The following PIEZO2 variants were observed in gnomAD, a reference collection of about 807,000 sequenced individuals.
PIEZO2 encodes the protein piezo type mechanosensitive ion channel component 2.
Under a neutral mutation model 337.3 loss-of-function variants are expected in PIEZO2, and 172 were observed. The observed-to-expected ratio is 0.51, with a 90% confidence interval of 0.45 to 0.58. The LOEUF is 0.58. Among genes scored for constraint, PIEZO2 ranks in the 20% least tolerant of loss-of-function variants. The pLI is 0.00. For missense variants in PIEZO2, 3,028 were observed against 3,391.3 expected, an observed-to-expected ratio of 0.89 and a Z score of 2.66; for synonymous variants, 1,251 against 1,228.5, an observed-to-expected ratio of 1.02 and a Z score of -0.38.
At chr18:10,996,044 C>T (rs963416179) in intron 2 of PIEZO2, among the ~76,000 whole-genome samples, 8 of 151,748 alleles carry the variant, frequency 5.3e-5, no homozygotes, top group African/African-American at 1.9e-4. Flanking sequence ...CATTTTGAAA[C>T]AATAGAGTTT....
At chr18:11,073,934 C>T (rs1312525071) in intron 1 of PIEZO2, among the ~76,000 whole-genome samples, 4 of 151,750 alleles carry the variant, frequency 2.6e-5, no homozygotes, top group African/African-American at 9.7e-5. Flanking sequence ...GCAACCTCCA[C>T]CTCTTGGGTT....
intron 1 of PIEZO2, among the ~76,000 whole-genome samples, chr18:11,115,983 G>T (rs1416305190): frequency 2.0e-5 from 3 of 152,116 alleles, no homozygotes; most frequent in Non-Finnish European, 4.4e-5. Context: ...AATATCAATA[G>T]ATAGTTTTAA....
Position 10,853,213 on chromosome 18 carries a change from T to A in PIEZO2, c.917+2140A>T, listed in dbSNP as rs552022070. 4.6e-5 allele frequency among the ~76,000 whole-genome samples: 7 copies of A among 152,162 alleles called. No homozygotes were observed. Among genetic ancestry groups the A allele is most frequent in the Non-Finnish European group, 1.0e-4 (7 of 68,024 alleles). On this transcript the variant is annotated intron_variant, in intron 7 of 55. Coordinates refer to ENST00000674853, the MANE Select transcript of PIEZO2 (RefSeq NM_001378183.1). The surrounding 1 kb of genome is among the most constrained non-coding windows in gnomAD (Gnocchi z 4.2). The stretch of plus-strand genomic sequence containing the variant: ...CCAAGGGCTGGCAGGCCACTGTGCA[T>A]GCAGACAGCCCACCCCCAGGGAAGA...
chr18:11,084,949 C>A (rs1233021602), intron 1 of PIEZO2, among the ~76,000 whole-genome samples: 3 of 152,242 alleles, frequency 2.0e-5, no homozygotes, highest in Non-Finnish European at 4.4e-5. Context: ...CACCATTTGG[C>A]TCTTTGGTTC....
rs919528223 is a variant in PIEZO2, at chr18:10,943,069, G to A, written c.287-31841C>T. The stretch of plus-strand genomic sequence containing the variant: ...CCACCTAGATTTCAGAAGATACATG[G>A]AAACCCCTGGATAACCAGGCAGAAG... On this transcript the variant is annotated intron_variant, in intron 3 of 55. Coordinates refer to ENST00000674853, the MANE Select transcript of PIEZO2 (RefSeq NM_001378183.1). This position sits in a 1 kb window ranked among gnomAD's most constrained non-coding sequence, Gnocchi z 4.5. Among the ~76,000 whole-genome samples, 4 of 152,188 alleles carry A rather than the reference G, an allele frequency of 2.6e-5. No homozygotes were observed. Among genetic ancestry groups the A allele is most frequent in the Admixed American group, 1.3e-4 (2 of 15,280 alleles).
At chr18:11,019,936 A>C (rs568680327) in intron 2 of PIEZO2, among the ~76,000 whole-genome samples, 154 of 152,324 alleles carry the variant, frequency 1.0e-3, no homozygotes, top group African/African-American at 3.6e-3. Flanking sequence ...TGTCTCCAGT[A>C]CTGGAGGCTG....
At chr18:10,950,581 G>A (rs553985613) in intron 3 of PIEZO2, among the ~76,000 whole-genome samples, 1 of 152,134 alleles carries the variant, frequency 6.6e-6, no homozygotes, top group Admixed American at 6.6e-5. Context: ...TGTATATGTG[G>A]CTTTATCTAT....
At position 10,726,605 on chromosome 18, in the gene PIEZO2, TGCGGGACGCCGACGTGC is replaced by T; in HGVS notation, c.5029+4785_5029+4801del. On this transcript the variant is annotated intron_variant, in intron 36 of 55. Transcript: ENST00000674853. This position sits in a 1 kb window ranked among gnomAD's most constrained non-coding sequence, Gnocchi z 5.9. The stretch of plus-strand genomic sequence containing the variant: ...CTCTTCCAGGACCTGGCGCGCTACG[TGCGGGACGCCGACGTGC>T]GCTGGGAGTACTGCGCGCGCGCCAA... 7.5e-7 allele frequency: 1 copy of T among 1,341,146 alleles called. No individual in the cohort carries two copies. The highest frequency in any genetic ancestry group is 9.8e-7 in the Non-Finnish European group (1 of 1,018,330). 83.1% of individuals were successfully genotyped at this position (1,341,146 alleles called of 1,614,324 possible). A position where few individuals can be genotyped will look rare whatever the true frequency, so the allele number is the denominator to read the frequency against.
intron 3 of PIEZO2, among the ~76,000 whole-genome samples, chr18:10,974,363 G>A (rs1410113376): frequency 2.0e-5 from 3 of 152,200 alleles, no homozygotes; most frequent in African/African-American, 7.2e-5. Context: ...CCCACAGGGG[G>A]AAAGAGCAAT....
chr18:10,933,662 T>C (rs2032217091), intron 3 of PIEZO2, among the ~76,000 whole-genome samples: 1 of 152,208 alleles, frequency 6.6e-6, no homozygotes, highest in Non-Finnish European at 1.5e-5. Flanking sequence ...AGACGTGTCA[T>C]GGAAAGAATC....
Position 11,002,035 on chromosome 18 carries a change from T to C in PIEZO2, c.161-22375A>G, listed in dbSNP as rs138223178. ...CTGTAAGGGCCAGAGAGTAGATATT[T>C]TAGGCTTTGTGAGACACATAGTCTC... On this transcript the variant is annotated intron_variant, in intron 2 of 55. Transcript: ENST00000674853. The surrounding 1 kb of genome is among the most constrained non-coding windows in gnomAD (Gnocchi z 4.3). Among the ~76,000 whole-genome samples, 403 of 152,278 alleles carry C rather than the reference T, an allele frequency of 2.6e-3. 5 individuals are homozygous for C. Among genetic ancestry groups the C allele is most frequent in the African/African-American group, 8.8e-3 (364 of 41,566 alleles).
In PIEZO2 at chr18:10,677,077, C is replaced by T. The variant is rs1237206601; in HGVS notation, c.8081+670G>A. Among the ~76,000 whole-genome samples, 1 of 152,164 alleles carries T rather than the reference C, an allele frequency of 6.6e-6. No individual in the cohort carries two copies. Among genetic ancestry groups the T allele is most frequent in the Non-Finnish European group, 1.5e-5 (1 of 68,032 alleles). On this transcript the variant is annotated intron_variant, in intron 53 of 55. Transcript: ENST00000674853. The surrounding 1 kb of genome is among the most constrained non-coding windows in gnomAD (Gnocchi z 4.1). Reference sequence around the variant, plus strand: ...AATGGGTCCCAATAGCTGAGGGAGACAGCCACTCTGCAGACTGAAGACAGA... The same window carrying T: ...AATGGGTCCCAATAGCTGAGGGAGATAGCCACTCTGCAGACTGAAGACAGA...
intron 4 of PIEZO2, among the ~76,000 whole-genome samples, chr18:10,881,291 C>T (rs1005663613): frequency 6.6e-6 from 1 of 152,122 alleles, no homozygotes; most frequent in South Asian, 2.1e-4. Flanking sequence ...GAGTGCCACA[C>T]GGATTGAGTA....
intron 2 of PIEZO2, among the ~76,000 whole-genome samples, chr18:11,005,989 A>G (rs1319896596): frequency 6.6e-6 from 1 of 152,170 alleles, no homozygotes; most frequent in Non-Finnish European, 1.5e-5. Flanking sequence ...TGCTATAATG[A>G]TATTTTTTCA....
rs1261596836 is a variant in PIEZO2, at chr18:10,796,985, C to T, written c.1527+389G>A. On this transcript the variant is annotated intron_variant, in intron 12 of 55. Transcript: ENST00000674853. ...ATCTTATATACCATTATATATGTAC[C>T]ATCATATTATACATACCGTCATAGC... 2.7e-5 allele frequency among the ~76,000 whole-genome samples: 4 copies of T among 150,880 alleles called. No individual in the cohort carries two copies. The East Asian group carries it at 7.8e-4, about 29-fold the overall frequency.
In PIEZO2 at chr18:11,111,500, C is replaced by T. The variant is rs2039732021; in HGVS notation, c.64+37025G>A. 6.6e-6 allele frequency among the ~76,000 whole-genome samples: 1 copy of T among 152,210 alleles called. No individual in the cohort carries two copies. Among genetic ancestry groups the T allele is most frequent in the African/African-American group, 2.4e-5 (1 of 41,452 alleles). ...AGGCTGCCCCTTCTGGAGAAGCATG[C>T]ACCACCCAGTGGCCAGGGCCCTCCA... On this transcript the variant is annotated intron_variant, in intron 1 of 55. Transcript: ENST00000674853. This position sits in a 1 kb window ranked among gnomAD's most constrained non-coding sequence, Gnocchi z 6.2.
At chr18:10,915,279 C>T (rs941040645) in intron 3 of PIEZO2, among the ~76,000 whole-genome samples, 2 of 138,442 alleles carry the variant, frequency 1.4e-5, no homozygotes, top group African/African-American at 5.4e-5. Context: ...AGAGAGGAGG[C>T]TGACCCCTCA....
chr18:10,950,432 C>T (rs1354036152), intron 3 of PIEZO2, among the ~76,000 whole-genome samples: 3 of 151,686 alleles, frequency 2.0e-5, no homozygotes, highest in Non-Finnish European at 2.9e-5. Flanking sequence ...GAATGGAAGA[C>T]AAGGACTGAA....
intron 2 of PIEZO2, among the ~76,000 whole-genome samples, chr18:11,062,372 C>G (rs1210572354): frequency 2.0e-5 from 3 of 152,102 alleles, no homozygotes; most frequent in African/African-American, 7.2e-5. Flanking sequence ...GTCTAAAACA[C>G]CAAAAGCAAT....
Sources: gnomAD v4.1 joint callset for allele counts (sites outside exome capture counted in the v4.1 genomes callset) on GRCh38, gnomAD v4.1.1 for gene constraint, Gnocchi (gnomAD v3.1) non-coding constraint, MANE v1.5 for transcripts, NCBI Gene and HGNC (gene_info 2026-07-23, HGNC 2026-07-21) for gene names.